The following DLG2 variants were observed in gnomAD, a reference collection of about 807,000 sequenced individuals.
The protein encoded by DLG2 is discs large MAGUK scaffold protein 2.
DLG2 carries 45 observed loss-of-function variants against 132.5 expected under a neutral mutation model. The observed-to-expected ratio is 0.34, with a 90% CI of 0.27 to 0.44. The LOEUF (loss-of-function observed/expected upper bound fraction) is 0.44. Among genes scored for constraint, DLG2 ranks in the 20% least tolerant of loss-of-function variants. The pLI is 1.00. For synonymous variants in DLG2, 424 were observed against 419.6 expected (o/e 1.01, Z -0.13); for missense variants, 1,045 against 1,196.9 (o/e 0.87, Z 1.87).
At chr11:84,466,047 T>C (rs1343011666) in intron 7 of DLG2, among the ~76,000 whole-genome samples, 3 of 151,194 alleles carry the variant, frequency 2.0e-5, no homozygotes, top group East Asian at 1.9e-4. Flanking sequence ...TGGAATTTAG[T>C]GTATGATAAA....
intron 14 of DLG2, among the ~76,000 whole-genome samples, chr11:83,943,795 G>A (rs983557241): frequency 7.2e-5 from 11 of 152,216 alleles, no homozygotes; most frequent in Non-Finnish European, 1.5e-5. Flanking sequence ...CTATGAACAT[G>A]GTGGAAAGAG....
intron 8 of DLG2, among the ~76,000 whole-genome samples, chr11:84,178,817 G>A (rs1477513699): frequency 6.6e-6 from 1 of 151,952 alleles, no homozygotes; most frequent in East Asian, 1.9e-4. Flanking sequence ...TACAGATCTA[G>A]CATGTGACTA....
intron 6 of DLG2, among the ~76,000 whole-genome samples, chr11:84,613,318 C>T (rs112109982): frequency 0.016 from 2,484 of 152,156 alleles, 17 homozygotes; most frequent in Middle Eastern, 0.034. Flanking sequence ...TCTCTGTGAT[C>T]TAAGTCATCA....
In DLG2 at chr11:83,588,168, AC is replaced by A. The variant is rs1270683993; in HGVS notation, c.1940+45042del. On this transcript the variant is annotated intron_variant, in intron 19 of 27. Transcript: ENST00000376104. Reference sequence around the variant, plus strand: ...AGGCCTGCCTGCCTCTGTAGGCTCCACCTCTGGGGGCAGGGCACAGACAAAC... The same window carrying A: ...AGGCCTGCCTGCCTCTGTAGGCTCCACTCTGGGGGCAGGGCACAGACAAAC... Among the ~76,000 whole-genome samples, 89 of 151,966 alleles carry A rather than the reference AC, an allele frequency of 5.9e-4. 1 individual carries two copies. The highest frequency in any genetic ancestry group is 2.0e-3 in the African/African-American group (82 of 41,444).
chr11:84,463,558 G>C (rs1386077447), intron 7 of DLG2, among the ~76,000 whole-genome samples: 1 of 151,104 alleles, frequency 6.6e-6, no homozygotes. Flanking sequence ...AGGTAGTATT[G>C]ATGGACTATT....
At chr11:84,110,826 GC>G (rs1209037597) in intron 9 of DLG2, among the ~76,000 whole-genome samples, 2 of 152,162 alleles carry the variant, frequency 1.3e-5, no homozygotes, top group African/African-American at 4.8e-5. Flanking sequence ...CCTCATGACT[GC>G]CCCACAGGCC....
intron 7 of DLG2, among the ~76,000 whole-genome samples, chr11:84,310,470 T>C (rs2098275318): frequency 6.6e-6 from 1 of 152,172 alleles, no homozygotes; most frequent in South Asian, 2.1e-4. Flanking sequence ...ATATTGTCAT[T>C]TTTGTTCTTT....
At chr11:85,460,448 C>T (rs1321698617) in intron 3 of DLG2, among the ~76,000 whole-genome samples, 1 of 152,210 alleles carries the variant, frequency 6.6e-6, no homozygotes, top group Non-Finnish European at 1.5e-5. Context: ...CACTCACTCA[C>T]AATTTCCTGG....
intron 7 of DLG2, among the ~76,000 whole-genome samples, chr11:84,490,677 T>C (rs966425001): frequency 1.4e-5 from 2 of 144,496 alleles, no homozygotes; most frequent in South Asian, 4.3e-4. Context: ...ACCCGACAGA[T>C]TTAATAATTA....
At position 84,032,226 on chromosome 11, in the gene DLG2, T is replaced by C. The variant is rs2095717847; in HGVS notation, c.919+27089A>G. Among the ~76,000 whole-genome samples the C allele has an allele frequency of 2.6e-5, 4 of 152,166 alleles. No individual in the cohort carries two copies. The South Asian group carries it at 6.2e-4, about 24-fold the overall frequency. ...ATGATTATGCTTAGTGAGGAAGGCA[T>C]GTTGAAAGCTGAGGTAGGTAGAAAG... is the stretch of plus-strand genomic sequence containing the variant. On this transcript the variant is annotated intron_variant, in intron 11 of 27. Coordinates refer to ENST00000376104, the MANE Select transcript of DLG2 (RefSeq NM_001142699.3).
At chr11:83,931,629 C>T (rs1404717931) in intron 14 of DLG2, among the ~76,000 whole-genome samples, 3 of 152,112 alleles carry the variant, frequency 2.0e-5, no homozygotes, top group Non-Finnish European at 4.4e-5. Flanking sequence ...ATTTTACTTT[C>T]TGAAAATTAC....
At chr11:84,369,305 A>C (rs1157120517) in intron 7 of DLG2, among the ~76,000 whole-genome samples, 2 of 152,086 alleles carry the variant, frequency 1.3e-5, no homozygotes, top group Non-Finnish European at 2.9e-5. Context: ...TTTTTAAACC[A>C]CTGTGCTACT....
intron 6 of DLG2, among the ~76,000 whole-genome samples, chr11:84,849,942 T>C (rs151011094): frequency 1.5e-3 from 225 of 152,276 alleles, no homozygotes; most frequent in African/African-American, 4.8e-3. Context: ...ATGGGTATTA[T>C]TTATAAAATA....
intron 12 of DLG2, among the ~76,000 whole-genome samples, chr11:83,972,033 G>C (rs2091437815): frequency 6.6e-6 from 1 of 152,096 alleles, no homozygotes. Flanking sequence ...GCTAAGTACA[G>C]TGGTGTCATT....
chr11:83,679,264 G>A (rs146839939), intron 18 of DLG2, among the ~76,000 whole-genome samples: 1 of 152,284 alleles, frequency 6.6e-6, no homozygotes, highest in South Asian at 2.1e-4. Flanking sequence ...ATGAGAAAAT[G>A]CTTGTCAAAC....
intron 6 of DLG2, among the ~76,000 whole-genome samples, chr11:84,577,488 T>C (rs2099504165): frequency 2.0e-5 from 3 of 152,140 alleles, no homozygotes; most frequent in Non-Finnish European, 4.4e-5. Context: ...GGAACCTGTT[T>C]GGAACTGGAG....
At chr11:83,658,562 G>A (rs1268558357) in intron 18 of DLG2, among the ~76,000 whole-genome samples, 1 of 152,262 alleles carries the variant, frequency 6.6e-6, no homozygotes, top group African/African-American at 2.4e-5. Context: ...GAAATGATTT[G>A]CAATGAATTT....
chr11:84,098,034 C>CTT (rs2154177810), intron 10 of DLG2, among the ~76,000 whole-genome samples: 1 of 50,994 alleles, frequency 2.0e-5, no homozygotes, highest in Non-Finnish European at 4.3e-5. Context: ...TCACCATGTG[C>CTT]CTTTTTTTTT....
At chr11:84,538,423 C>T (rs1443029209) in intron 6 of DLG2, among the ~76,000 whole-genome samples, 4 of 152,192 alleles carry the variant, frequency 2.6e-5, no homozygotes, top group Admixed American at 6.5e-5. Context: ...ATTGAAGCCT[C>T]CTCTCTTGGA....
Sources: gnomAD v4.1 joint callset for allele counts (sites outside exome capture counted in the v4.1 genomes callset) on GRCh38, gnomAD v4.1.1 for gene constraint, MANE v1.5 for transcripts, NCBI Gene and HGNC (gene_info 2026-07-23, HGNC 2026-07-21) for gene names.